Variants in UTS2B observed in about 807,000 individuals in gnomAD.
UTS2B encodes urotensin 2B.
Under a neutral mutation model 19.2 loss-of-function variants are expected in UTS2B, and 21 were observed. The ratio of observed to expected loss-of-function variants is 1.09; its 90% CI spans 0.78 to 1.58. The LOEUF (loss-of-function observed/expected upper bound fraction) is 1.58. Among genes scored for constraint, UTS2B ranks in the 40% most tolerant of loss-of-function variants. UTS2B has a pLI of 0.00. For missense variants in UTS2B, 138 were observed against 130.3 expected (o/e 1.06, Z -0.29); for synonymous variants, 57 against 50.2 (o/e 1.14, Z -0.58).
chr3:191,310,838 A>C (rs1340614721), intron 3 of UTS2B, among the ~76,000 whole-genome samples: 2 of 152,180 alleles, frequency 1.3e-5, no homozygotes, highest in Non-Finnish European at 2.9e-5. Flanking sequence ...AGTGCTGCTA[A>C]CTTCCCTACA....
intron 1 of UTS2B, 28 bp from the exon 2 acceptor site, chr3:191,328,737 A>G (rs921265122): frequency 6.6e-6 from 1 of 152,238 alleles, no homozygotes; most frequent in South Asian, 2.1e-4. Flanking sequence ...AAATGTCACA[A>G]TTACAATCCA....
intron 8 of UTS2B, chr3:191,273,473 AG>A (rs1471750900): frequency 2.2e-6 from 1 of 456,694 alleles, no homozygotes; most frequent in Non-Finnish European, 4.4e-6. Flanking sequence ...TTCCGAACTG[AG>A]GCAATTGAAA....
chr3:191,338,058 G>A, the UTS2B span, among the ~76,000 whole-genome samples: 1 of 152,010 alleles, frequency 6.6e-6, no homozygotes, highest in Non-Finnish European at 1.5e-5. Context: ...TTTTTCCAAT[G>A]AGTCATAAAG....
intron 2 of UTS2B, among the ~76,000 whole-genome samples, chr3:191,319,445 C>A (rs1460359356): frequency 1.3e-5 from 2 of 152,172 alleles, no homozygotes; most frequent in African/African-American, 4.8e-5. Context: ...TAGCAAATGT[C>A]CCTCACGGCA....
upstream of UTS2B, among the ~76,000 whole-genome samples, chr3:191,333,314 G>A (rs1198090313): frequency 6.6e-6 from 1 of 152,208 alleles, no homozygotes; most frequent in Non-Finnish European, 1.5e-5. Context: ...GGGCACTCCA[G>A]TGGCATAATG....
At chr3:191,332,385 G>T (rs1236239520), upstream of UTS2B, among the ~76,000 whole-genome samples, 1 of 152,244 alleles carries the variant, frequency 6.6e-6, no homozygotes, top group African/African-American at 2.4e-5. Flanking sequence ...TTCATATGTA[G>T]GTGAAAAGAA....
At chr3:191,296,051 T>C (rs1448948702) in intron 4 of UTS2B, among the ~76,000 whole-genome samples, 2 of 152,212 alleles carry the variant, frequency 1.3e-5, no homozygotes, top group Admixed American at 6.5e-5. Flanking sequence ...CCATTACCCA[T>C]AGATAAATAT....
chr3:191,293,548 T>A (rs758354818), intron 4 of UTS2B, among the ~76,000 whole-genome samples: 2 of 152,004 alleles, frequency 1.3e-5, no homozygotes, highest in Non-Finnish European at 2.9e-5. Flanking sequence ...CCTTTGTAAC[T>A]ATTTTGTCTC....
Position 191,309,341 on chromosome 3 carries a change from T to C in UTS2B, c.-181-4793A>G, listed in dbSNP as rs1312364954. ...CACGCCTGGCTAAGTTTTTGGTTTTTCTTTTTTTTTTTCAGTAGAGATGAG... is the reference window on the plus strand; with the variant it reads ...CACGCCTGGCTAAGTTTTTGGTTTTCCTTTTTTTTTTTCAGTAGAGATGAG... On this transcript the variant is annotated intron_variant, in intron 3 of 8. Coordinates refer to ENST00000340524, the MANE Select transcript of UTS2B (RefSeq NM_198152.5). Among the ~76,000 whole-genome samples, 10 of 151,600 alleles carry C rather than the reference T, an allele frequency of 6.6e-5. No individual in the cohort carries two copies. The South Asian group carries it at 1.0e-3, about 16-fold the overall frequency.
At chr3:191,276,913 C>A in intron 6 of UTS2B, 69 bp from the exon 7 acceptor site, 1 of 1,381,794 alleles carries the variant, frequency 7.2e-7, no homozygotes, top group Non-Finnish European at 1.0e-6. Context: ...TCAGTACACA[C>A]ATTTAAGATC....
chr3:191,274,184 T>C (rs1029894409), intron 8 of UTS2B, among the ~76,000 whole-genome samples: 1 of 152,204 alleles, frequency 6.6e-6, no homozygotes, highest in African/African-American at 2.4e-5. Context: ...ACTGGCTAAG[T>C]CACTTAGCAG....
At chr3:191,331,384 ATAT>A (rs1717979095), upstream of UTS2B, among the ~76,000 whole-genome samples, 3 of 152,210 alleles carry the variant, frequency 2.0e-5, no homozygotes, top group South Asian at 4.1e-4. Flanking sequence ...GTATTCTAAC[ATAT>A]TATTTCTCAA....
At chr3:191,322,802 T>C (rs1485257394) in intron 2 of UTS2B, among the ~76,000 whole-genome samples, 1 of 152,164 alleles carries the variant, frequency 6.6e-6, no homozygotes, top group Non-Finnish European at 1.5e-5. Context: ...ACCAAAGCAA[T>C]AATGACTGCT....
chr3:191,337,321 A>G, the UTS2B span, among the ~76,000 whole-genome samples: 4 of 152,188 alleles, frequency 2.6e-5, no homozygotes, highest in Non-Finnish European at 5.9e-5. Context: ...ATTATTGTTG[A>G]TTGAACTCTT....
the UTS2B span, among the ~76,000 whole-genome samples, chr3:191,344,384 G>C: frequency 6.6e-6 from 1 of 152,118 alleles, no homozygotes; most frequent in Admixed American, 6.5e-5. Flanking sequence ...TTTAGCACTA[G>C]GAATATGATT....
upstream of UTS2B, among the ~76,000 whole-genome samples, chr3:191,330,799 G>C (rs2108624823): frequency 6.6e-6 from 1 of 152,258 alleles, no homozygotes; most frequent in Middle Eastern, 3.4e-3. Context: ...AGGAAAATGA[G>C]GGACTGCTTG....
At chr3:191,302,797 G>A (rs553506766) in intron 4 of UTS2B, among the ~76,000 whole-genome samples, 99 of 152,268 alleles carry the variant, frequency 6.5e-4, no homozygotes, top group African/African-American at 2.2e-3. Flanking sequence ...CTTTTGTTAC[G>A]CTGAGTGCTT....
chr3:191,320,640 C>T lies in UTS2B; in HGVS notation c.-585-4201G>A, dbSNP rs10804934. Among the ~76,000 whole-genome samples, 526 of 152,200 alleles carry T rather than the reference C, an allele frequency of 3.5e-3. 6 individuals carry two copies. The highest frequency in any genetic ancestry group is 0.012 in the African/African-American group (496 of 41,524). On this transcript the variant is annotated intron_variant, in intron 2 of 8. Coordinates refer to ENST00000340524, the MANE Select transcript of UTS2B (RefSeq NM_198152.5). ...TGAGAGATGATGAGGGTTTAGACCA[C>T]GGTAGCAGCAGTCAGGAGATGAGAT...
chr3:191,341,413 A>G, the UTS2B span, among the ~76,000 whole-genome samples: 4 of 152,278 alleles, frequency 2.6e-5, no homozygotes, highest in South Asian at 8.3e-4. Flanking sequence ...TACTTGCCCA[A>G]GGTCTTTTAG....
Sources: allele counts gnomAD v4.1 joint callset (sites outside exome capture counted in the v4.1 genomes callset), GRCh38; gene constraint gnomAD v4.1.1; transcripts MANE v1.5; gene names NCBI Gene and HGNC (gene_info 2026-07-23, HGNC 2026-07-21).